LRP1B: variants seen among roughly 807,000 people sequenced by gnomAD.
The protein encoded by LRP1B is low-density lipoprotein receptor-related protein 1B.
Under a neutral mutation model 556.6 loss-of-function variants are expected in LRP1B, and 217 were observed. The ratio of observed to expected loss-of-function variants is 0.39; its 90% CI spans 0.35 to 0.44. The LOEUF (loss-of-function observed/expected upper bound fraction) is 0.44. Among genes scored for constraint, LRP1B ranks in the 20% least tolerant of loss-of-function variants. The pLI is 1.00. For missense variants in LRP1B, 5,053 were observed against 5,620.8 expected (o/e 0.90, Z 3.23); for synonymous variants, 2,047 against 1,865.8 (o/e 1.10, Z -2.50).
chr2:140,794,148 T>C (rs1445712913), intron 32 of LRP1B, among the ~76,000 whole-genome samples: 2 of 152,088 alleles, frequency 1.3e-5, no homozygotes. Context: ...TAAAGATAAA[T>C]AGTCATCTTA....
intron 1 of LRP1B, among the ~76,000 whole-genome samples, chr2:142,087,513 G>C (rs1048151255): frequency 1.3e-5 from 2 of 151,238 alleles, no homozygotes; most frequent in African/African-American, 4.9e-5. Context: ...CTCCCTCTGA[G>C]TCTCTGCCAC....
chr2:140,908,865 T>C (rs1396889892), intron 21 of LRP1B, among the ~76,000 whole-genome samples: 1 of 152,184 alleles, frequency 6.6e-6, no homozygotes, highest in African/African-American at 2.4e-5. Context: ...AATGGTGCAA[T>C]CTCCATTCAC....
chr2:141,892,045 G>T (rs1392504745), intron 1 of LRP1B, among the ~76,000 whole-genome samples: 4 of 151,792 alleles, frequency 2.6e-5, no homozygotes, highest in Middle Eastern at 3.2e-3. Context: ...GTCTCGGAAA[G>T]GTATGTGTTA....
intron 21 of LRP1B, among the ~76,000 whole-genome samples, chr2:140,918,212 G>GTGTGTT (rs1419620080): frequency 2.6e-5 from 4 of 151,544 alleles, no homozygotes; most frequent in Admixed American, 1.3e-4. Context: ...GTGTGTGTGT[G>GTGTGTT]TGTGTGTAGA....
At chr2:141,887,882 C>G (rs1249869824) in intron 1 of LRP1B, among the ~76,000 whole-genome samples, 1 of 152,090 alleles carries the variant, frequency 6.6e-6, no homozygotes, top group Non-Finnish European at 1.5e-5. Context: ...AGAACAAAAC[C>G]AAAAACTATG....
intron 3 of LRP1B, among the ~76,000 whole-genome samples, chr2:141,296,967 A>C (rs1686204422): frequency 6.6e-6 from 1 of 152,134 alleles, no homozygotes. Context: ...ATTTGATTTT[A>C]CGTTCCAGCA....
At position 141,463,626 on chromosome 2, in the gene LRP1B, ATAT is replaced by A. The variant is rs1204091744; in HGVS notation, c.343+16767_343+16769del. 7.1e-4 allele frequency among the ~76,000 whole-genome samples: 85 copies of A among 119,530 alleles called. 1 individual carries two copies. The highest frequency in any genetic ancestry group is 2.5e-3 in the African/African-American group (67 of 26,704). The allele number at this position is 119,530 out of a possible 152,430, so 78.4% of individuals were successfully genotyped here. ...TATATTATATATAATTATGTATTAT[ATAT>A]TATTATATATTATATATTATATATA... On this transcript the variant is annotated intron_variant, in intron 3 of 90. Coordinates refer to ENST00000389484, the MANE Select transcript of LRP1B (RefSeq NM_018557.3).
chr2:141,461,019 A>G (rs908826095), intron 3 of LRP1B, among the ~76,000 whole-genome samples: 10 of 148,308 alleles, frequency 6.7e-5, no homozygotes, highest in African/African-American at 2.6e-4. Context: ...TTGCAGTTAA[A>G]GAGTGAGCTA....
chr2:140,590,343 G>GTATA (rs1491562155), intron 43 of LRP1B, among the ~76,000 whole-genome samples: 7 of 147,720 alleles, frequency 4.7e-5, no homozygotes, highest in Middle Eastern at 7.2e-3. Context: ...ATGTGTGTGT[G>GTATA]TATATATATA....
At chr2:141,763,842 G>A (rs1375946736) in intron 2 of LRP1B, among the ~76,000 whole-genome samples, 1 of 151,954 alleles carries the variant, frequency 6.6e-6, no homozygotes, top group African/African-American at 2.4e-5. Context: ...TCTACATTTA[G>A]GCAAAATGAT....
chr2:140,520,576 C>A (rs976465495), intron 49 of LRP1B, among the ~76,000 whole-genome samples: 1 of 151,874 alleles, frequency 6.6e-6, no homozygotes, highest in Admixed American at 6.6e-5. Context: ...GCACATTGTG[C>A]ACATGTACCC....
chr2:142,130,715 G>A lies in LRP1B; in HGVS notation c.15C>T (p.Leu5=). Residue 5 remains leucine, a synonymous_variant, in exon 1 of 91, where the codon CTC becomes CTT. Transcript: ENST00000389484. The part of the protein sequence containing the change: MSEF[L]LALLTLSGLL... The stretch of plus-strand genomic sequence containing the variant: ...ATCCCGAGAGAGTGAGTAAGGCGAG[G>A]AGAAACTCGGACATTGTGGTCGCCC... 6.2e-7 allele frequency: 1 copy of A among 1,612,750 alleles called. No homozygotes were observed. The highest frequency in any genetic ancestry group is 8.5e-7 in the Non-Finnish European group (1 of 1,179,386).
At chr2:141,655,721 T>C (rs528941252) in intron 2 of LRP1B, among the ~76,000 whole-genome samples, 11 of 152,228 alleles carry the variant, frequency 7.2e-5, no homozygotes, top group Non-Finnish European at 1.2e-4. Context: ...TGAGAAATCA[T>C]GTAGAATAAC....
intron 43 of LRP1B, among the ~76,000 whole-genome samples, chr2:140,597,558 C>T (rs1301152852): frequency 1.3e-5 from 2 of 152,006 alleles, no homozygotes; most frequent in Non-Finnish European, 2.9e-5. Flanking sequence ...CATAATTGCC[C>T]TGAAAGAAAA....
Position 140,907,554 on chromosome 2 carries a change from G to A in LRP1B, c.3520+323C>T, listed in dbSNP as rs1212850854. On this transcript the variant is annotated intron_variant, in intron 22 of 90. Transcript: ENST00000389484. ...AGATGAGGAACAACAAGTTTTCCTT[G>A]TTCTGAGGGATCAACAAATAATCAG... Among the ~76,000 whole-genome samples the A allele has an allele frequency of 2.0e-5, 3 of 152,184 alleles. No homozygotes were observed. In the South Asian group the frequency reaches 6.2e-4, roughly 32 times the overall value.
intron 2 of LRP1B, among the ~76,000 whole-genome samples, chr2:141,696,672 T>G (rs1200694527): frequency 6.6e-6 from 1 of 151,970 alleles, no homozygotes; most frequent in East Asian, 1.9e-4. Flanking sequence ...ACATCAATTT[T>G]CCCACATAAT....
At chr2:141,471,742 C>G (rs75914971) in intron 3 of LRP1B, among the ~76,000 whole-genome samples, 76 of 152,224 alleles carry the variant, frequency 5.0e-4, no homozygotes, top group African/African-American at 1.8e-3. Flanking sequence ...AGCTAAATAT[C>G]TGGAATATTG....
chr2:140,527,306 A>C (rs2104973518), intron 47 of LRP1B, among the ~76,000 whole-genome samples: 1 of 152,068 alleles, frequency 6.6e-6, no homozygotes, highest in East Asian at 1.9e-4. Context: ...AATTTCTACA[A>C]GTTGATTACA....
At chr2:140,689,013 C>T (rs1686144373) in intron 41 of LRP1B, among the ~76,000 whole-genome samples, 1 of 152,138 alleles carries the variant, frequency 6.6e-6, no homozygotes. Flanking sequence ...GTTTTGTAAC[C>T]AAAGTTAATT....
Sources: gnomAD v4.1 joint callset for allele counts (sites outside exome capture counted in the v4.1 genomes callset) on GRCh38, gnomAD v4.1.1 for gene constraint, MANE v1.5 for transcripts, NCBI Gene and HGNC (gene_info 2026-07-23, HGNC 2026-07-21) for gene names.